The following RHBDL3 variants were observed in gnomAD, a reference collection of about 807,000 sequenced individuals.
The protein encoded by RHBDL3 is rhomboid-related protein 3.
A neutral mutation model predicts 48.2 loss-of-function variants in RHBDL3; 28 were observed. That is an observed-to-expected ratio of 0.58 (90% CI 0.43 to 0.80). RHBDL3 has a LOEUF of 0.80. Ranked by LOEUF, RHBDL3 falls within the 30% of genes least tolerant of loss-of-function variation. The pLI is 0.00. For missense variants in RHBDL3, 464 were observed against 542.7 expected, an observed-to-expected ratio of 0.85 and a Z score of 1.44; for synonymous variants, 208 against 232.3, an observed-to-expected ratio of 0.90 and a Z score of 0.95.
chr17:32,277,950 C>G (rs1210355560), intron 2 of RHBDL3, among the ~76,000 whole-genome samples: 1 of 152,160 alleles, frequency 6.6e-6, no homozygotes, highest in South Asian at 2.1e-4. Flanking sequence ...CCACAGAACC[C>G]TTATTTCAGG....
chr17:32,303,689 C>A (rs530737608), intron 6 of RHBDL3, among the ~76,000 whole-genome samples: 1 of 152,090 alleles, frequency 6.6e-6, no homozygotes, highest in East Asian at 1.9e-4. Context: ...CCCCTTGAGA[C>A]CAAGAATTGG....
intron 7 of RHBDL3, 100 bp downstream of exon 7, chr17:32,305,541 C>G: frequency 4.9e-6 from 4 of 817,142 alleles, no homozygotes; most frequent in Non-Finnish European, 8.5e-6. Context: ...AAAAACCAGG[C>G]AGACCTGACC....
rs550538316 is a variant in RHBDL3, at chr17:32,283,788, G to A, written c.136-871G>A. On this transcript the variant is annotated intron_variant, in intron 2 of 8. Transcript: ENST00000269051. ...GGGATAAGTTGTGATACCGACCCGC[G>A]AGGCGCCGCGGTCCAAGGAGGAGGC... Among the ~76,000 whole-genome samples, 26 of 152,274 alleles carry A rather than the reference G, an allele frequency of 1.7e-4. No individual in the cohort carries two copies. In the South Asian group the frequency reaches 2.7e-3, roughly 16 times the overall value.
chr17:32,293,383 A>G (rs867757727), intron 4 of RHBDL3, among the ~76,000 whole-genome samples: 5 of 152,034 alleles, frequency 3.3e-5, no homozygotes, highest in African/African-American at 9.7e-5. Context: ...GGAGTTCTAA[A>G]CTGGCCTGGC....
intron 3 of RHBDL3, among the ~76,000 whole-genome samples, chr17:32,287,229 G>A (rs1324181027): frequency 2.6e-5 from 4 of 152,186 alleles, no homozygotes; most frequent in African/African-American, 9.7e-5. Context: ...TACCCCTGCT[G>A]AGCCAGCTCC....
intron 3 of RHBDL3, among the ~76,000 whole-genome samples, chr17:32,286,190 A>AGCACCT (rs1284923903): frequency 2.0e-5 from 3 of 152,238 alleles, no homozygotes; most frequent in Non-Finnish European, 2.9e-5. Flanking sequence ...CCACAGCCCC[A>AGCACCT]GCACCTGTGT....
intron 2 of RHBDL3, among the ~76,000 whole-genome samples, chr17:32,269,496 G>C (rs2150686406): frequency 6.6e-6 from 1 of 152,362 alleles, no homozygotes; most frequent in African/African-American, 2.4e-5. Flanking sequence ...GAAAGGCCTG[G>C]GGTGAGGATT....
At position 32,266,142 on chromosome 17, in the gene RHBDL3, C is replaced by G; in HGVS notation, c.-48C>G. The stretch of plus-strand genomic sequence containing the variant: ...CGCGGCGCAAAGTTAGCCCGGCGCC[C>G]CGGGACGAGCCCCGCAGCCGCCGCC... On this transcript the variant is annotated 5_prime_UTR_variant, in exon 1 of 9. Transcript: ENST00000269051. 1.3e-6 allele frequency: 1 copy of G among 749,394 alleles called. No homozygotes were observed. Among genetic ancestry groups the G allele is most frequent in the Non-Finnish European group, 1.7e-6 (1 of 583,756 alleles). The allele number at this position is 749,394 out of a possible 1,614,324, so 46.4% of individuals were successfully genotyped here. A position where few individuals can be genotyped will look rare whatever the true frequency, so the allele number is the denominator to read the frequency against.
chr17:32,284,393 G>A (rs993768331), intron 2 of RHBDL3: 5 of 395,072 alleles, frequency 1.3e-5, no homozygotes, highest in Admixed American at 4.2e-5. Flanking sequence ...TCCATGGTGA[G>A]AGGAGGCGGT....
chr17:32,292,774 C>T (rs1182370761), intron 4 of RHBDL3, among the ~76,000 whole-genome samples: 1 of 136,648 alleles, frequency 7.3e-6, no homozygotes, highest in African/African-American at 2.9e-5. Flanking sequence ...TGCACTCCAG[C>T]CTGGGCGACA....
At chr17:32,291,923 C>T (rs1215196429) in intron 4 of RHBDL3, among the ~76,000 whole-genome samples, 1 of 151,862 alleles carries the variant, frequency 6.6e-6, no homozygotes, top group Non-Finnish European at 1.5e-5. Context: ...AGGTGCCTGC[C>T]ACCACGCCCG....
chr17:32,266,311 C>T lies in RHBDL3; in HGVS notation c.111+11C>T, dbSNP rs1372414498. ...GCGGCGCCGGAGGACGTGAGTGCCC[C>T]CTCCCCGCCCGGCAAACTTTCTAGG... is the stretch of plus-strand genomic sequence containing the variant. On this transcript the variant is annotated intron_variant, in intron 1 of 8. Coordinates refer to ENST00000269051, the MANE Select transcript of RHBDL3 (RefSeq NM_138328.3). The T allele has an allele frequency of 1.4e-6, 2 of 1,411,322 alleles. No homozygotes were observed. The highest frequency in any genetic ancestry group is 2.7e-5 in the South Asian group (2 of 75,052). 87.4% of individuals were successfully genotyped at this position (1,411,322 alleles called of 1,614,324 possible).
In RHBDL3 at chr17:32,266,141, C is replaced by T. The variant is rs1597598640; in HGVS notation, c.-49C>T. 4.1e-6 allele frequency: 3 copies of T among 739,816 alleles called. No individual in the cohort carries two copies. Among genetic ancestry groups the T allele is most frequent in the East Asian group, 5.7e-5 (1 of 17,424 alleles). The allele number at this position is 739,816 out of a possible 1,614,324, so 45.8% of individuals were successfully genotyped here. A position where few individuals can be genotyped will look rare whatever the true frequency, so the allele number is the denominator to read the frequency against. Reference sequence around the variant, plus strand: ...CCGCGGCGCAAAGTTAGCCCGGCGCCCCGGGACGAGCCCCGCAGCCGCCGC... The same window carrying T: ...CCGCGGCGCAAAGTTAGCCCGGCGCTCCGGGACGAGCCCCGCAGCCGCCGC... On this transcript the variant is annotated 5_prime_UTR_variant, in exon 1 of 9. Coordinates refer to ENST00000269051, the MANE Select transcript of RHBDL3 (RefSeq NM_138328.3).
chr17:32,315,295 G>A (rs376359299), intron 7 of RHBDL3, among the ~76,000 whole-genome samples: 1 of 152,340 alleles, frequency 6.6e-6, no homozygotes, highest in African/African-American at 2.4e-5. Flanking sequence ...TGTGTTCCAG[G>A]AAGATTCCGG....
chr17:32,293,177 G>T (rs1448313634), intron 4 of RHBDL3, among the ~76,000 whole-genome samples: 2 of 151,732 alleles, frequency 1.3e-5, no homozygotes, highest in South Asian at 2.1e-4. Context: ...GGAGGGAGGG[G>T]GTGGGGCGTC....
At chr17:32,290,570 A>G (rs979282291) in intron 4 of RHBDL3, among the ~76,000 whole-genome samples, 2 of 152,216 alleles carry the variant, frequency 1.3e-5, no homozygotes, top group Admixed American at 1.3e-4. Context: ...GGATTTCATA[A>G]TGAATAGAAA....
chr17:32,317,326 G>A (rs879444572), intron 8 of RHBDL3, among the ~76,000 whole-genome samples: 6 of 152,124 alleles, frequency 3.9e-5, no homozygotes, highest in Non-Finnish European at 8.8e-5. Flanking sequence ...AGACCCTGTC[G>A]CCAGAAAAAT....
At chr17:32,307,438 T>C (rs1378462772) in intron 7 of RHBDL3, among the ~76,000 whole-genome samples, 1 of 152,206 alleles carries the variant, frequency 6.6e-6, no homozygotes, top group South Asian at 2.1e-4. Context: ...TATCAATCTC[T>C]CTGTCACCCA....
intron 2 of RHBDL3, among the ~76,000 whole-genome samples, chr17:32,277,228 C>A (rs1194408302): frequency 2.6e-5 from 4 of 152,214 alleles, no homozygotes; most frequent in Non-Finnish European, 5.9e-5. Context: ...CTGTCTAGAG[C>A]ATGGACAGGG....
Sources: allele counts gnomAD v4.1 joint callset (sites outside exome capture counted in the v4.1 genomes callset), GRCh38; gene constraint gnomAD v4.1.1; transcripts MANE v1.5; gene names NCBI Gene and HGNC (gene_info 2026-07-23, HGNC 2026-07-21).